The following AGAP1 variants were observed in gnomAD, a reference collection of about 807,000 sequenced individuals.
The protein encoded by AGAP1 is ArfGAP with GTPase domain, ankyrin repeat and PH domain 1.
Under a neutral mutation model 105.3 loss-of-function variants are expected in AGAP1, and 29 were observed. That is an observed-to-expected ratio of 0.28 (90% CI 0.21 to 0.38). The LOEUF is 0.38. Among genes scored for constraint, AGAP1 ranks in the 10% least tolerant of loss-of-function variants. The pLI is 1.00. For synonymous variants in AGAP1, 509 were observed against 485.9 expected, an observed-to-expected ratio of 1.05 and a Z score of -0.63; for missense variants, 998 against 1,165.1, an observed-to-expected ratio of 0.86 and a Z score of 2.09.
At chr2:235,572,808 G>A (rs772537276) in intron 1 of AGAP1, among the ~76,000 whole-genome samples, 25 of 152,292 alleles carry the variant, frequency 1.6e-4, no homozygotes, top group Non-Finnish European at 3.4e-4. Context: ...TGTGCTCAGC[G>A]TGTGCCCAGC....
intron 1 of AGAP1, among the ~76,000 whole-genome samples, chr2:235,696,537 C>T (rs2149460571): frequency 6.6e-6 from 1 of 152,296 alleles, no homozygotes; most frequent in South Asian, 2.1e-4. Flanking sequence ...ACCAAGCTCA[C>T]AGGGATGAGA....
Position 236,105,741 on chromosome 2 carries a change from C to G in AGAP1, c.2115-14451C>G, listed in dbSNP as rs1451232903. Among the ~76,000 whole-genome samples the G allele has an allele frequency of 6.6e-6, 1 of 151,948 alleles. No homozygotes were observed. The highest frequency in any genetic ancestry group is 2.4e-5 in the African/African-American group (1 of 41,384). ...CCCGAGTAGCTGGGACTACAGGCGC[C>G]CGCCACCATGCCCGGCTGATTTTGT... On this transcript the variant is annotated intron_variant, in intron 16 of 17. Transcript: ENST00000304032. The surrounding 1 kb of genome is among the most constrained non-coding windows in gnomAD (Gnocchi z 4.2).
chr2:235,809,930 A>G (rs1958041590), intron 9 of AGAP1, among the ~76,000 whole-genome samples: 1 of 152,180 alleles, frequency 6.6e-6, no homozygotes, highest in South Asian at 2.1e-4. Flanking sequence ...CGACATTGCC[A>G]CAGTTATGGT....
At position 236,105,328 on chromosome 2, in the gene AGAP1, C is replaced by A. The variant is rs368905084; in HGVS notation, c.2115-14864C>A. ...AGGTAAGGGGGAAAGATGGGCGGAG[C>A]GGGGGACCAAGGACAGAGAGGAAGA... On this transcript the variant is annotated intron_variant, in intron 16 of 17. Transcript: ENST00000304032. The surrounding 1 kb of genome is among the most constrained non-coding windows in gnomAD (Gnocchi z 4.2). Among the ~76,000 whole-genome samples, 2 of 151,982 alleles carry A rather than the reference C, an allele frequency of 1.3e-5. No individual in the cohort carries two copies. Among genetic ancestry groups the A allele is most frequent in the South Asian group, 2.1e-4 (1 of 4,822 alleles).
intron 9 of AGAP1, among the ~76,000 whole-genome samples, chr2:235,815,932 A>G (rs1958426143): frequency 6.6e-6 from 1 of 152,180 alleles, no homozygotes; most frequent in Non-Finnish European, 1.5e-5. Context: ...TTTGAAAACC[A>G]AAGCTCCCTT....
intron 13 of AGAP1, among the ~76,000 whole-genome samples, chr2:235,974,203 A>C (rs2054767557): frequency 6.6e-6 from 1 of 152,216 alleles, no homozygotes; most frequent in African/African-American, 2.4e-5. Flanking sequence ...TAGGTGACAG[A>C]ACTGTCTCTT....
intron 3 of AGAP1, among the ~76,000 whole-genome samples, chr2:235,718,845 A>G (rs996581604): frequency 6.6e-6 from 1 of 152,234 alleles, no homozygotes; most frequent in Non-Finnish European, 1.5e-5. Flanking sequence ...TGAGAAATGC[A>G]TACAGATGCC....
In AGAP1 at chr2:236,101,904, G is replaced by C. The variant is rs2059355163; in HGVS notation, c.2115-18288G>C. Reference sequence around the variant, plus strand: ...TGAAGTACAGAAACTTCCATTCTGTGTGTGACTAGCATGGCTTAGCTATGT... The same window carrying C: ...TGAAGTACAGAAACTTCCATTCTGTCTGTGACTAGCATGGCTTAGCTATGT... On this transcript the variant is annotated intron_variant, in intron 16 of 17. Coordinates refer to ENST00000304032, the MANE Select transcript of AGAP1 (RefSeq NM_001037131.3). The surrounding 1 kb of genome is among the most constrained non-coding windows in gnomAD (Gnocchi z 4.9). 6.6e-6 allele frequency among the ~76,000 whole-genome samples: 1 copy of C among 152,206 alleles called. No homozygotes were observed. Among genetic ancestry groups the C allele is most frequent in the African/African-American group, 2.4e-5 (1 of 41,456 alleles).
intron 1 of AGAP1, among the ~76,000 whole-genome samples, chr2:235,704,969 C>CT (rs969370505): frequency 0.031 from 1,859 of 59,714 alleles, 211 homozygotes; most frequent in Non-Finnish European, 0.036. Flanking sequence ...ATGCTTTTTT[C>CT]TTTTTTTTTT....
intron 1 of AGAP1, among the ~76,000 whole-genome samples, chr2:235,616,823 A>G (rs1453798223): frequency 3.3e-5 from 5 of 152,254 alleles, no homozygotes. Context: ...ATCATTTTGT[A>G]GCCTAACACT....
chr2:235,521,586 G>A (rs575832657), intron 1 of AGAP1, among the ~76,000 whole-genome samples: 2 of 152,050 alleles, frequency 1.3e-5, no homozygotes, highest in East Asian at 1.9e-4. Flanking sequence ...ACTGTTTTTC[G>A]TTTGCCTTTT....
In AGAP1 at chr2:236,046,357, G is replaced by A. The variant is rs2057717249; in HGVS notation, c.1892-2702G>A. ...TGTGTGAAGAGGTCTGCAGGGAAGTGACGGGCAAGGCCGCAGACAGGAGCC... is the reference window on the plus strand; with the variant it reads ...TGTGTGAAGAGGTCTGCAGGGAAGTAACGGGCAAGGCCGCAGACAGGAGCC... On this transcript the variant is annotated intron_variant, in intron 15 of 17. Transcript: ENST00000304032. The surrounding 1 kb of genome is among the most constrained non-coding windows in gnomAD (Gnocchi z 5.2). 6.6e-6 allele frequency among the ~76,000 whole-genome samples: 1 copy of A among 152,198 alleles called. No homozygotes were observed.
At chr2:235,627,192 G>GTTTTTTTTTTTT (rs36086999) in intron 1 of AGAP1, among the ~76,000 whole-genome samples, 13 of 95,584 alleles carry the variant, frequency 1.4e-4, no homozygotes, top group African/African-American at 4.5e-4. Flanking sequence ...CTGTTTTGAG[G>GTTTTTTTTTTTT]TTTTTTTTTT....
At chr2:235,509,352 A>C (rs1941969484) in intron 1 of AGAP1, among the ~76,000 whole-genome samples, 2 of 151,998 alleles carry the variant, frequency 1.3e-5, no homozygotes, top group South Asian at 4.1e-4. Context: ...CTCCTTCCTC[A>C]GCCTCTTGAG....
At position 235,893,840 on chromosome 2, in the gene AGAP1, T is replaced by G. The variant is rs1025635293; in HGVS notation, c.1155+10391T>G. ...GTGACTCCTTCAGCATCTTTGCTCCTGAACTTCCTGGACTCCAGCCCTCAA... is the reference window on the plus strand; with the variant it reads ...GTGACTCCTTCAGCATCTTTGCTCCGGAACTTCCTGGACTCCAGCCCTCAA... On this transcript the variant is annotated intron_variant, in intron 10 of 17. Coordinates refer to ENST00000304032, the MANE Select transcript of AGAP1 (RefSeq NM_001037131.3). The surrounding 1 kb of genome is among the most constrained non-coding windows in gnomAD (Gnocchi z 4.7). Among the ~76,000 whole-genome samples, 6 of 152,172 alleles carry G rather than the reference T, an allele frequency of 3.9e-5. No homozygotes were observed. The highest frequency in any genetic ancestry group is 8.8e-5 in the Non-Finnish European group (6 of 68,034).
rs563838248 is a variant in AGAP1, at chr2:235,688,090, C to T, written c.164-21089C>T. Among the ~76,000 whole-genome samples the T allele has an allele frequency of 6.6e-5, 10 of 151,998 alleles. No individual in the cohort carries two copies. The South Asian group carries it at 1.0e-3, about 16-fold the overall frequency. Reference sequence around the variant, plus strand: ...CTAATTTTTGTATTTTCAGTAGAGACGGGGTTTCACCATGCTGGCCAGGCT... The same window carrying T: ...CTAATTTTTGTATTTTCAGTAGAGATGGGGTTTCACCATGCTGGCCAGGCT... On this transcript the variant is annotated intron_variant, in intron 1 of 17. Coordinates refer to ENST00000304032, the MANE Select transcript of AGAP1 (RefSeq NM_001037131.3).
At chr2:235,943,760 C>T (rs2053369536) in intron 12 of AGAP1, among the ~76,000 whole-genome samples, 1 of 152,144 alleles carries the variant, frequency 6.6e-6, no homozygotes, top group African/African-American at 2.4e-5. Flanking sequence ...TATAACATGG[C>T]TAGGTCGAGA....
In AGAP1 at chr2:235,931,380, C is replaced by T. The variant is rs909666299; in HGVS notation, c.1483+457C>T. On this transcript the variant is annotated intron_variant, in intron 12 of 17. Transcript: ENST00000304032. The surrounding 1 kb of genome is among the most constrained non-coding windows in gnomAD (Gnocchi z 5.6). The stretch of plus-strand genomic sequence containing the variant: ...TCTGTTTTCCAGAATTCCTGGTGTA[C>T]CCTCTAAATTCTGGAGTCCCCTTTG... Among the ~76,000 whole-genome samples, 2 of 152,144 alleles carry T rather than the reference C, an allele frequency of 1.3e-5. No homozygotes were observed. The highest frequency in any genetic ancestry group is 2.4e-5 in the African/African-American group (1 of 41,440).
intron 9 of AGAP1, among the ~76,000 whole-genome samples, chr2:235,815,290 C>T (rs1480437524): frequency 6.6e-6 from 1 of 152,196 alleles, no homozygotes; most frequent in Non-Finnish European, 1.5e-5. Context: ...CCCAGCAGAG[C>T]CTGTTTCTGG....
Sources: allele counts gnomAD v4.1 joint callset (sites outside exome capture counted in the v4.1 genomes callset), GRCh38; gene constraint gnomAD v4.1.1; non-coding constraint Gnocchi (gnomAD v3.1); transcripts MANE v1.5; gene names NCBI Gene and HGNC (gene_info 2026-07-23, HGNC 2026-07-21).